The following GRIK2 variants were observed in gnomAD, a reference collection of about 807,000 sequenced individuals.
GRIK2 encodes the protein glutamate ionotropic receptor kainate type subunit 2, also known as glutamate receptor ionotropic, kainate 2.
GRIK2 carries 32 observed loss-of-function variants against 100.3 expected under a neutral mutation model. The observed-to-expected ratio is 0.32, with a 90% CI of 0.24 to 0.43. The LOEUF is 0.43. GRIK2 is among the 20% of genes least tolerant of loss of function. The pLI is 1.00. For missense variants in GRIK2, 843 were observed against 1,114.9 expected, an observed-to-expected ratio of 0.76 and a Z score of 3.47; for synonymous variants, 417 against 389.4, an observed-to-expected ratio of 1.07 and a Z score of -0.83.
chr6:101,737,112 A>G (rs1775690044), intron 7 of GRIK2, among the ~76,000 whole-genome samples: 2 of 152,152 alleles, frequency 1.3e-5, no homozygotes, highest in South Asian at 4.2e-4. Flanking sequence ...TTCATTGTCC[A>G]TATCATTATC....
chr6:101,593,259 T>G (rs908638666), intron 2 of GRIK2, among the ~76,000 whole-genome samples: 3 of 151,882 alleles, frequency 2.0e-5, no homozygotes, highest in Non-Finnish European at 4.4e-5. Context: ...ATGATGGGAA[T>G]AGAAGCAACT....
At chr6:101,564,027 G>A (rs1450507149) in intron 2 of GRIK2, among the ~76,000 whole-genome samples, 1 of 152,058 alleles carries the variant, frequency 6.6e-6, no homozygotes, top group Non-Finnish European at 1.5e-5. Context: ...TGCTTAATAT[G>A]TGCATCTTGG....
At chr6:101,511,419 A>C (rs906104933) in intron 2 of GRIK2, among the ~76,000 whole-genome samples, 1 of 152,120 alleles carries the variant, frequency 6.6e-6, no homozygotes, top group African/African-American at 2.4e-5. Context: ...GGCACAAATA[A>C]AATTAAGGTT....
chr6:101,458,881 A>G (rs530876812), intron 2 of GRIK2, among the ~76,000 whole-genome samples: 38 of 152,214 alleles, frequency 2.5e-4, no homozygotes, highest in Non-Finnish European at 4.3e-4. Flanking sequence ...CCATGAGAAT[A>G]TGGCTTGTAT....
At chr6:101,631,840 G>C (rs1251582476) in intron 4 of GRIK2, among the ~76,000 whole-genome samples, 1 of 151,946 alleles carries the variant, frequency 6.6e-6, no homozygotes, top group Non-Finnish European at 1.5e-5. Context: ...ATTGCAGTTA[G>C]TGTAATTTTT....
chr6:101,810,635 T>A (rs1781269269), intron 9 of GRIK2, among the ~76,000 whole-genome samples: 1 of 152,108 alleles, frequency 6.6e-6, no homozygotes, highest in Non-Finnish European at 1.5e-5. Flanking sequence ...TTTTGTTTTC[T>A]AGAGCTCAGG....
intron 2 of GRIK2, among the ~76,000 whole-genome samples, chr6:101,402,001 C>T (rs1162667899): frequency 6.6e-6 from 1 of 152,074 alleles, no homozygotes; most frequent in Non-Finnish European, 1.5e-5. Flanking sequence ...CCCGCCCAGG[C>T]GGCCACCCCA....
At chr6:101,714,523 A>C (rs1189580170) in intron 7 of GRIK2, among the ~76,000 whole-genome samples, 1 of 151,708 alleles carries the variant, frequency 6.6e-6, no homozygotes, top group East Asian at 1.9e-4. Flanking sequence ...TCTGGTATCA[A>C]CTTTTAAAAT....
chr6:101,828,295 T>G (rs1346900826), intron 10 of GRIK2, among the ~76,000 whole-genome samples: 1 of 151,944 alleles, frequency 6.6e-6, no homozygotes, highest in Admixed American at 6.6e-5. Flanking sequence ...AAGAAGAAAG[T>G]TTATGGTGCT....
At chr6:101,408,394 G>C (rs1775700546) in intron 2 of GRIK2, among the ~76,000 whole-genome samples, 1 of 151,772 alleles carries the variant, frequency 6.6e-6, no homozygotes, top group South Asian at 2.1e-4. Context: ...GAGAGAGAGA[G>C]AGAAGAGGAG....
At chr6:101,466,158 C>CATG (rs1198537885) in intron 2 of GRIK2, among the ~76,000 whole-genome samples, 1 of 152,168 alleles carries the variant, frequency 6.6e-6, no homozygotes, top group African/African-American at 2.4e-5. Flanking sequence ...CTTTCTGGGT[C>CATG]ATGGTCTCTT....
chr6:101,828,291 A>G (rs985650590), intron 10 of GRIK2, among the ~76,000 whole-genome samples: 1 of 151,964 alleles, frequency 6.6e-6, no homozygotes, highest in Non-Finnish European at 1.5e-5. Context: ...TGATAAGAAG[A>G]AAGTTTATGG....
At chr6:101,645,686 G>A (rs1466990845) in intron 4 of GRIK2, among the ~76,000 whole-genome samples, 1 of 151,768 alleles carries the variant, frequency 6.6e-6, no homozygotes, top group African/African-American at 2.4e-5. Flanking sequence ...TCAATTAGTT[G>A]AAAATTTTCT....
intron 14 of GRIK2, among the ~76,000 whole-genome samples, chr6:101,944,742 CATA>C: frequency 6.6e-6 from 1 of 151,882 alleles, no homozygotes; most frequent in Admixed American, 6.6e-5. Flanking sequence ...AGGAAATTAT[CATA>C]ATAAAGGTCA....
At chr6:101,760,685 T>TATATTTA (rs1777567872) in intron 7 of GRIK2, among the ~76,000 whole-genome samples, 2 of 91,404 alleles carry the variant, frequency 2.2e-5, no homozygotes, top group African/African-American at 9.1e-5. Flanking sequence ...TATATTTAAT[T>TATATTTA]ATATATAATT....
chr6:101,394,959 C>A (rs895313272), intron 1 of GRIK2, among the ~76,000 whole-genome samples: 1 of 152,086 alleles, frequency 6.6e-6, no homozygotes, highest in African/African-American at 2.4e-5. Context: ...AAAAAAAGTT[C>A]TGGGATATGT....
chr6:101,742,553 A>T (rs1776106437), intron 7 of GRIK2, among the ~76,000 whole-genome samples: 1 of 152,178 alleles, frequency 6.6e-6, no homozygotes, highest in African/African-American at 2.4e-5. Context: ...GAGGCATGAG[A>T]CATTAATCAA....
chr6:101,735,789 C>T (rs1165457020), intron 7 of GRIK2, among the ~76,000 whole-genome samples: 3 of 152,186 alleles, frequency 2.0e-5, no homozygotes, highest in Non-Finnish European at 4.4e-5. Flanking sequence ...CCTCACATTT[C>T]AAAACCAATC....
At chr6:101,649,167 G>A (rs1372117279) in intron 4 of GRIK2, among the ~76,000 whole-genome samples, 2 of 152,022 alleles carry the variant, frequency 1.3e-5, no homozygotes, top group Non-Finnish European at 2.9e-5. Flanking sequence ...CCTTCTAACT[G>A]TGCTCTCTCC....
Sources: allele counts gnomAD v4.1 joint callset (sites outside exome capture counted in the v4.1 genomes callset), GRCh38; gene constraint gnomAD v4.1.1; transcripts MANE v1.5; gene names NCBI Gene and HGNC (gene_info 2026-07-23, HGNC 2026-07-21).